The following CSMD1 variants were observed in gnomAD, a reference collection of about 807,000 sequenced individuals.
CSMD1 encodes CUB and Sushi multiple domains 1, also known as CUB and sushi domain-containing protein 1.
In CSMD1, 213 loss-of-function variants were observed where a neutral mutation model predicts 417.5. That is an observed-to-expected ratio of 0.51 (90% CI 0.46 to 0.57). The LOEUF (loss-of-function observed/expected upper bound fraction) is 0.57. CSMD1 is among the 20% of genes least tolerant of loss of function. The pLI is 0.00. For missense variants in CSMD1, 6,923 were observed against 4,529.7 expected (o/e 1.53, Z -15.17); for synonymous variants, 2,862 against 1,736.8 (o/e 1.65, Z -16.11).
chr8:3,605,269 C>G (rs1243059926), intron 8 of CSMD1, among the ~76,000 whole-genome samples: 5 of 152,180 alleles, frequency 3.3e-5, no homozygotes, highest in Non-Finnish European at 1.5e-5. Context: ...GGTTTACAGG[C>G]GTGCGCCATC....
chr8:4,755,333 T>G (rs768111061), intron 1 of CSMD1, among the ~76,000 whole-genome samples: 53 of 152,350 alleles, frequency 3.5e-4, no homozygotes, highest in East Asian at 9.6e-4. Flanking sequence ...TCACTTTTCC[T>G]TTTGGGATAT....
chr8:4,092,970 A>G (rs978980341), intron 3 of CSMD1, among the ~76,000 whole-genome samples: 10 of 152,098 alleles, frequency 6.6e-5, no homozygotes, highest in Non-Finnish European at 1.3e-4. Context: ...CTGTGTGGGG[A>G]GTATCTTATA....
rs569271062 is a variant in CSMD1, at chr8:4,089,955, G to A, written c.416-57856C>T. On this transcript the variant is annotated intron_variant, in intron 3 of 69. Transcript: ENST00000635120. ...TACATGTATTATTGTTGAATACGTT[G>A]CTGACTTTCAGATAGAATGCCGCTA... is the stretch of plus-strand genomic sequence containing the variant. Among the ~76,000 whole-genome samples the A allele has an allele frequency of 2.0e-5, 3 of 152,256 alleles. No individual in the cohort carries two copies. The South Asian group carries it at 6.2e-4, about 32-fold the overall frequency.
intron 7 of CSMD1, among the ~76,000 whole-genome samples, chr8:3,638,170 A>T (rs9792284): frequency 4.6e-5 from 7 of 151,874 alleles, no homozygotes; most frequent in Non-Finnish European, 8.8e-5. Flanking sequence ...GTTTCCTTCC[A>T]ATATTTTACT....
intron 18 of CSMD1, among the ~76,000 whole-genome samples, chr8:3,381,352 A>G (rs935737718): frequency 6.6e-6 from 1 of 152,218 alleles, no homozygotes; most frequent in African/African-American, 2.4e-5. Flanking sequence ...AAAATAAATT[A>G]TTAAAAATGC....
intron 12 of CSMD1, among the ~76,000 whole-genome samples, chr8:3,411,190 G>T (rs561064927): frequency 6.6e-6 from 1 of 152,172 alleles, no homozygotes; most frequent in African/African-American, 2.4e-5. Context: ...AAGAGCAGAG[G>T]CAGGTGAAAA....
At chr8:3,622,480 G>T (rs1184758378) in intron 7 of CSMD1, among the ~76,000 whole-genome samples, 1 of 152,166 alleles carries the variant, frequency 6.6e-6, no homozygotes, top group East Asian at 1.9e-4. Flanking sequence ...GCAGTTAAAA[G>T]AAATGGCAGA....
intron 5 of CSMD1, among the ~76,000 whole-genome samples, chr8:3,865,320 T>A (rs772957952): frequency 3.9e-5 from 6 of 152,160 alleles, no homozygotes; most frequent in Admixed American, 1.3e-4. Context: ...GCACTCAATT[T>A]TTAATCTGTA....
intron 6 of CSMD1, among the ~76,000 whole-genome samples, chr8:3,724,280 G>C (rs1585136588): frequency 6.6e-6 from 1 of 151,808 alleles, no homozygotes; most frequent in South Asian, 2.1e-4. Context: ...CATGTGCCAT[G>C]CTGGTGTGCC....
chr8:4,919,396 A>G (rs561323689), intron 1 of CSMD1, among the ~76,000 whole-genome samples: 15 of 152,306 alleles, frequency 9.8e-5, no homozygotes, highest in African/African-American at 3.1e-4. Flanking sequence ...AATTTTATTC[A>G]TTAGAAATAT....
At chr8:3,523,612 C>T (rs747929283) in intron 10 of CSMD1, among the ~76,000 whole-genome samples, 3 of 152,078 alleles carry the variant, frequency 2.0e-5, no homozygotes, top group Non-Finnish European at 4.4e-5. Flanking sequence ...TGCATGTACA[C>T]ACACACATGC....
At chr8:4,335,064 A>C (rs1247019063) in intron 3 of CSMD1, among the ~76,000 whole-genome samples, 1 of 152,016 alleles carries the variant, frequency 6.6e-6, no homozygotes, top group Non-Finnish European at 1.5e-5. Flanking sequence ...ACCATATCTG[A>C]CTAATTTTTG....
chr8:4,263,377 A>T (rs980123979), intron 3 of CSMD1, among the ~76,000 whole-genome samples: 9 of 152,208 alleles, frequency 5.9e-5, no homozygotes, highest in South Asian at 2.1e-4. Context: ...GAATAAAAAT[A>T]AAAAACCTGC....
intron 12 of CSMD1, among the ~76,000 whole-genome samples, chr8:3,431,269 G>T (rs1308080287): frequency 6.6e-6 from 1 of 152,090 alleles, no homozygotes; most frequent in African/African-American, 2.4e-5. Flanking sequence ...CCCATGTGCA[G>T]ATGTCACACC....
chr8:4,747,140 G>T (rs1811011419), intron 1 of CSMD1, among the ~76,000 whole-genome samples: 1 of 152,282 alleles, frequency 6.6e-6, no homozygotes, highest in East Asian at 1.9e-4. Flanking sequence ...AGGTTGAAGA[G>T]ATTTGGCCAA....
chr8:3,653,643 C>T (rs1265031848), intron 7 of CSMD1, among the ~76,000 whole-genome samples: 1 of 152,084 alleles, frequency 6.6e-6, no homozygotes, highest in African/African-American at 2.4e-5. Flanking sequence ...CTCCTTTAGG[C>T]CACGAAGCCT....
intron 41 of CSMD1, among the ~76,000 whole-genome samples, chr8:3,139,310 A>G (rs960038934): frequency 6.6e-6 from 1 of 152,172 alleles, no homozygotes; most frequent in African/African-American, 2.4e-5. Flanking sequence ...CCAACCTCCT[A>G]TATAGCTAAA....
chr8:3,082,289 T>C (rs1814159498), intron 49 of CSMD1, among the ~76,000 whole-genome samples: 1 of 152,172 alleles, frequency 6.6e-6, no homozygotes. Context: ...TCTCTTTTGC[T>C]CTTTAACGGA....
intron 2 of CSMD1, among the ~76,000 whole-genome samples, chr8:4,423,875 G>T (rs1031024563): frequency 2.0e-5 from 3 of 151,968 alleles, no homozygotes; most frequent in South Asian, 2.1e-4. Context: ...ACATAAACCC[G>T]TATGTCAATG....
Sources: gnomAD v4.1 joint callset for allele counts (sites outside exome capture counted in the v4.1 genomes callset) on GRCh38, gnomAD v4.1.1 for gene constraint, MANE v1.5 for transcripts, NCBI Gene and HGNC (gene_info 2026-07-23, HGNC 2026-07-21) for gene names.